Variants in BTF3L4 observed in about 807,000 individuals in gnomAD.
BTF3L4 encodes basic transcription factor 3 like 4, also known as transcription factor BTF3 homolog 4.
BTF3L4 carries 6 observed loss-of-function variants against 16.8 expected under a neutral mutation model. That is an observed-to-expected ratio of 0.36 (90% CI 0.20 to 0.71). The LOEUF is 0.71. Among genes scored for constraint, BTF3L4 ranks in the 30% least tolerant of loss-of-function variants. BTF3L4 has a pLI of 0.58. For synonymous variants in BTF3L4, 39 were observed against 59.8 expected (o/e 0.65, Z 1.60); for missense variants, 92 against 186.9 (o/e 0.49, Z 2.96).
chr1:52,065,468 G>C (rs1359816331), intron 3 of BTF3L4: 1 of 152,064 alleles, frequency 6.6e-6, no homozygotes, highest in Non-Finnish European at 1.5e-5. Flanking sequence ...GTTTCACCAT[G>C]CTGGCCAGGC....
intron 3 of BTF3L4, among the ~76,000 whole-genome samples, chr1:52,076,225 G>A: frequency 6.6e-6 from 1 of 152,226 alleles, no homozygotes; most frequent in East Asian, 1.9e-4. Context: ...GCGTTGAGCA[G>A]AGATAGCACC....
intron 4 of BTF3L4, 52 bp from the exon 5 acceptor site, chr1:52,086,060 T>C (rs1290819724): frequency 3.9e-6 from 5 of 1,273,756 alleles, no homozygotes. Context: ...ATTATAAGTT[T>C]TCTTTAAGGT....
chr1:52,080,715 G>A (rs1175145657), intron 3 of BTF3L4, among the ~76,000 whole-genome samples: 12 of 151,252 alleles, frequency 7.9e-5, no homozygotes, highest in Admixed American at 7.9e-4. Context: ...TGTATTTTTA[G>A]TAGAGACAGT....
intron 2 of BTF3L4, among the ~76,000 whole-genome samples, chr1:52,063,749 C>A (rs929474209): frequency 1.3e-5 from 2 of 152,114 alleles, no homozygotes; most frequent in Non-Finnish European, 2.9e-5. Flanking sequence ...TTGCTCAGGC[C>A]AAGATTCTAA....
At chr1:52,071,231 A>G (rs1164597953) in intron 3 of BTF3L4, 1 of 152,180 alleles carries the variant, frequency 6.6e-6, no homozygotes, top group African/African-American at 2.4e-5. Context: ...AATTGTTCCA[A>G]GTTGCTTCAT....
chr1:52,074,613 C>T (rs536046235), intron 3 of BTF3L4, among the ~76,000 whole-genome samples: 11 of 152,042 alleles, frequency 7.2e-5, no homozygotes, highest in Non-Finnish European at 1.5e-5. Context: ...CCACCTGCCT[C>T]GGCCTCCCAA....
chr1:52,061,035 A>G (rs1416771230), intron 2 of BTF3L4, among the ~76,000 whole-genome samples: 1 of 152,272 alleles, frequency 6.6e-6, no homozygotes, highest in Non-Finnish European at 1.5e-5. Context: ...AAGATAAACA[A>G]GATCACAGCT....
intron 3 of BTF3L4, among the ~76,000 whole-genome samples, chr1:52,077,042 C>T (rs1686951963): frequency 1.3e-5 from 2 of 152,234 alleles, no homozygotes; most frequent in Admixed American, 1.3e-4. Flanking sequence ...GTGGCACATG[C>T]CTGTAGTCCT....
rs1257686809 is a variant in BTF3L4 at position 52,083,560 on chromosome 1, T to C, written c.370+19T>C. 1 of 1,593,880 alleles carries C rather than the reference T, an allele frequency of 6.3e-7. No individual in the cohort carries two copies. The highest frequency in any genetic ancestry group is 1.3e-5 in the African/African-American group (1 of 74,506). On this transcript the variant is annotated intron_variant, in intron 4 of 5. Transcript: ENST00000313334. ...CGGCAAGGTAGGTATTTCAATTTAG[T>C]AAATCTTTCTCTCCCCACCTTACTT...
intron 3 of BTF3L4, among the ~76,000 whole-genome samples, chr1:52,067,893 C>T (rs942313911): frequency 6.6e-6 from 1 of 152,180 alleles, no homozygotes; most frequent in Non-Finnish European, 1.5e-5. Flanking sequence ...TGGTAACAGA[C>T]CTATACTCCT....
intron 3 of BTF3L4, among the ~76,000 whole-genome samples, chr1:52,065,920 C>T (rs1173287419): frequency 6.6e-6 from 1 of 151,964 alleles, no homozygotes; most frequent in Non-Finnish European, 1.5e-5. Context: ...TGCCTGTAAT[C>T]CCAGCTACTC....
rs777413405 is a variant in BTF3L4, at chr1:52,059,945, C to G, written c.54+44C>G. The G allele has an allele frequency of 2.6e-6, 4 of 1,532,970 alleles. No individual in the cohort carries two copies. In the Admixed American group the frequency reaches 7.1e-5, roughly 27 times the overall value. The allele number at this position is 1,532,970 out of a possible 1,614,324, so 95.0% of individuals were successfully genotyped here. On this transcript the variant is annotated intron_variant, in intron 2 of 5. Transcript: ENST00000313334. ...AAATTGATAGGAGAATGTATGATTA[C>G]CAGATAGTGTTATTATTTCGGATTT... is the stretch of plus-strand genomic sequence containing the variant.
intron 3 of BTF3L4, among the ~76,000 whole-genome samples, chr1:52,080,519 G>GTTTTTTTTTTTT (rs753783341): frequency 1.4e-5 from 1 of 70,232 alleles, no homozygotes; most frequent in African/African-American, 6.4e-5. Flanking sequence ...GGTTTTTTGG[G>GTTTTTTTTTTTT]TTTTTTTTTT....
At chr1:52,060,545 T>G (rs1363477622) in intron 2 of BTF3L4, 3 of 1,224,224 alleles carry the variant, frequency 2.5e-6, no homozygotes, top group Middle Eastern at 2.3e-4. Flanking sequence ...CTGAAGTCTT[T>G]GATTCTCTTC....
At chr1:52,062,147 G>A (rs550734284) in intron 2 of BTF3L4, among the ~76,000 whole-genome samples, 2 of 147,916 alleles carry the variant, frequency 1.4e-5, no homozygotes, top group African/African-American at 2.5e-5. Flanking sequence ...CACCATGTTA[G>A]CCAGGATGGT....
chr1:52,062,948 C>T (rs1038261490), intron 2 of BTF3L4, among the ~76,000 whole-genome samples: 6 of 152,220 alleles, frequency 3.9e-5, no homozygotes, highest in African/African-American at 1.4e-4. Context: ...GGTTCGCCCT[C>T]CTATGAGAAT....
intron 3 of BTF3L4, among the ~76,000 whole-genome samples, chr1:52,074,020 G>A (rs1009416957): frequency 6.6e-6 from 1 of 151,876 alleles, no homozygotes; most frequent in Non-Finnish European, 1.5e-5. Flanking sequence ...AATGTAATTC[G>A]CTGGGCATGA....
chr1:52,057,509 C>A (rs953660509), intron 1 of BTF3L4, among the ~76,000 whole-genome samples: 1 of 152,100 alleles, frequency 6.6e-6, no homozygotes, highest in African/African-American at 2.4e-5. Context: ...GGAACTGTTT[C>A]GTTTGTAATT....
At chr1:52,083,656 T>C in intron 4 of BTF3L4, 115 bp downstream of exon 4, 1 of 797,382 alleles carries the variant, frequency 1.3e-6, no homozygotes, top group Non-Finnish European at 2.0e-6. Context: ...TTTTACTTTC[T>C]ATAAAGTTAT....
Sources: gnomAD v4.1 joint callset for allele counts (sites outside exome capture counted in the v4.1 genomes callset) on GRCh38, gnomAD v4.1.1 for gene constraint, MANE v1.5 for transcripts, NCBI Gene and HGNC (gene_info 2026-07-23, HGNC 2026-07-21) for gene names.